SYTL5: variants seen among roughly 807,000 people sequenced by gnomAD.
SYTL5 encodes synaptotagmin like 5, also known as synaptotagmin-like protein 5.
SYTL5 carries 34 observed loss-of-function variants against 55.9 expected under a neutral mutation model. The observed-to-expected ratio is 0.61, with a 90% confidence interval of 0.46 to 0.81. The LOEUF is 0.81. SYTL5 is among the 30% of genes least tolerant of loss of function. The pLI is 0.00. For synonymous variants in SYTL5, 221 were observed against 188.7 expected (o/e 1.17, Z -1.40); for missense variants, 637 against 546.7 (o/e 1.17, Z -1.65).
At chrX:38,045,278 C>A (rs1237627678) in intron 2 of SYTL5, among the ~76,000 whole-genome samples, 1 of 112,001 alleles carries the variant, frequency 8.9e-6, no homozygotes, top group African/African-American at 3.2e-5. Context: ...GAGTCATTGT[C>A]CCTTTGCATA....
At chrX:37,973,637 CTT>C in the SYTL5 span, among the ~76,000 whole-genome samples, 97 of 104,225 alleles carry the variant, frequency 9.3e-4, no homozygotes, top group African/African-American at 3.3e-3. Context: ...ATATAAAACA[CTT>C]TTTTTTTTTC....
intron 11 of SYTL5, among the ~76,000 whole-genome samples, chrX:38,107,519 C>T (rs1050656432): frequency 1.8e-5 from 2 of 111,669 alleles, no homozygotes; most frequent in African/African-American, 6.5e-5. Context: ...AAAAAGAACC[C>T]GTTCAGCATA....
chrX:37,956,489 G>T, the SYTL5 span, among the ~76,000 whole-genome samples: 1 of 111,951 alleles, frequency 8.9e-6, no homozygotes, highest in Non-Finnish European at 1.9e-5. Flanking sequence ...TCTAATTTCT[G>T]CTTCTGTGAT....
chrX:38,106,203 A>G (rs1937207808), intron 10 of SYTL5, among the ~76,000 whole-genome samples: 1 of 112,323 alleles, frequency 8.9e-6, no homozygotes, highest in Non-Finnish European at 1.9e-5. Flanking sequence ...AATGTATTCT[A>G]CACCTTATAG....
chrX:37,975,973 G>T, the SYTL5 span, among the ~76,000 whole-genome samples: 2 of 111,789 alleles, frequency 1.8e-5, no homozygotes, highest in Admixed American at 1.9e-4. Flanking sequence ...TATAAAAGTA[G>T]AGTGGCCTCT....
At chrX:37,940,658 C>T in the SYTL5 span, among the ~76,000 whole-genome samples, 1 of 105,890 alleles carries the variant, frequency 9.4e-6, no homozygotes, top group Non-Finnish European at 1.9e-5. Flanking sequence ...TTATCTTTTG[C>T]ATGAAAATCA....
intron 2 of SYTL5, among the ~76,000 whole-genome samples, chrX:38,045,990 T>A (rs1191823663): frequency 1.8e-5 from 2 of 111,631 alleles, no homozygotes; most frequent in Non-Finnish European, 3.8e-5. Context: ...TTTGCACAGC[T>A]AGGAAAGAAA....
intron 1 of SYTL5, among the ~76,000 whole-genome samples, chrX:38,025,884 A>G (rs1308289706): frequency 8.9e-6 from 1 of 112,210 alleles, no homozygotes; most frequent in Non-Finnish European, 1.9e-5. Flanking sequence ...AGGCTGAAAA[A>G]TTTGATTTGG....
At chrX:37,964,479 A>G in the SYTL5 span, among the ~76,000 whole-genome samples, 1 of 111,543 alleles carries the variant, frequency 9.0e-6, no homozygotes, top group East Asian at 2.8e-4. Flanking sequence ...TTAATGTGCT[A>G]TTGAATTCTG....
chrX:38,071,154 T>C (rs772952706), intron 3 of SYTL5, among the ~76,000 whole-genome samples: 1 of 111,932 alleles, frequency 8.9e-6, no homozygotes. Flanking sequence ...AGAAATCAGT[T>C]CTCAGAGCAT....
the SYTL5 span, among the ~76,000 whole-genome samples, chrX:37,983,424 CTAGAGA>C: frequency 3.6e-5 from 4 of 111,834 alleles, no homozygotes; most frequent in Non-Finnish European, 7.6e-5. Context: ...AAAAATGCTA[CTAGAGA>C]TAAAGAGGGA....
intron 6 of SYTL5, among the ~76,000 whole-genome samples, chrX:38,083,448 C>A (rs1221216000): frequency 2.7e-5 from 3 of 111,645 alleles, no homozygotes; most frequent in Non-Finnish European, 5.6e-5. Flanking sequence ...AAAGCTATTT[C>A]TATAGTTAAC....
intron 2 of SYTL5, among the ~76,000 whole-genome samples, chrX:38,041,732 A>G (rs1173417149): frequency 8.9e-6 from 1 of 112,535 alleles, no homozygotes; most frequent in Non-Finnish European, 1.9e-5. Flanking sequence ...AAGGTGCACC[A>G]TAGGCACAGG....
chrX:37,941,956 T>C, the SYTL5 span, among the ~76,000 whole-genome samples: 2 of 112,243 alleles, frequency 1.8e-5, no homozygotes, highest in Admixed American at 1.9e-4. Flanking sequence ...CTTACTGTGA[T>C]TTTGATTTTC....
intron 13 of SYTL5, among the ~76,000 whole-genome samples, chrX:38,112,783 C>A (rs1427872787): frequency 2.7e-5 from 3 of 111,854 alleles, no homozygotes; most frequent in Non-Finnish European, 5.6e-5. Context: ...AGTGGCACTT[C>A]AGTTTCAGTT....
the SYTL5 span, among the ~76,000 whole-genome samples, chrX:37,984,935 A>G: frequency 8.9e-5 from 10 of 112,286 alleles, no homozygotes; most frequent in South Asian, 7.2e-4. Context: ...CCATTTCAAG[A>G]TAAAAAATAT....
At chrX:38,017,427 T>C (rs764873757) in intron 1 of SYTL5, among the ~76,000 whole-genome samples, 3 of 111,294 alleles carry the variant, frequency 2.7e-5, no homozygotes, top group Non-Finnish European at 5.7e-5. Context: ...CTTGATTGTT[T>C]AGTTGAAATG....
At chrX:38,062,788 A>G (rs1935992086) in intron 3 of SYTL5, among the ~76,000 whole-genome samples, 1 of 112,215 alleles carries the variant, frequency 8.9e-6, no homozygotes, top group Non-Finnish European at 1.9e-5. Flanking sequence ...ATAGATGAAA[A>G]CAAGGTGACT....
At chrX:38,100,762 C>A (rs1318510712) in intron 9 of SYTL5, among the ~76,000 whole-genome samples, 1 of 110,873 alleles carries the variant, frequency 9.0e-6, no homozygotes, top group Non-Finnish European at 1.9e-5. Flanking sequence ...TAGATAAGCA[C>A]GTGGAGATAT....
Sources: gnomAD v4.1 joint callset for allele counts (sites outside exome capture counted in the v4.1 genomes callset) on GRCh38, gnomAD v4.1.1 for gene constraint, MANE v1.5 for transcripts, NCBI Gene and HGNC (gene_info 2026-07-23, HGNC 2026-07-21) for gene names.